Variants in RPL35 observed in about 807,000 individuals in gnomAD.
RPL35 encodes the protein ribosomal protein L35, also known as large ribosomal subunit protein uL29.
Under a neutral mutation model 15.6 loss-of-function variants are expected in RPL35, and 2 were observed. The observed-to-expected ratio is 0.13, with a 90% CI of 0.05 to 0.40. The LOEUF is 0.40. RPL35 is among the 10% of genes least tolerant of loss of function. RPL35 has a pLI of 0.99. For missense variants in RPL35, 111 were observed against 164.7 expected, an observed-to-expected ratio of 0.67 and a Z score of 1.79; for synonymous variants, 93 against 67.9, an observed-to-expected ratio of 1.37 and a Z score of -1.82.
intron 3 of RPL35, among the ~76,000 whole-genome samples, chr9:124,859,585 T>A (rs1318927342): frequency 6.6e-6 from 1 of 152,152 alleles, no homozygotes; most frequent in East Asian, 1.9e-4. Context: ...ATACATTGGA[T>A]GCATGTGCAC....
rs1332679190 is a variant in RPL35 at position 124,860,153 on chromosome 9, C to T, written c.222+30G>A. ...ACGGCTAGCACTTGGCTTCCTGCAGCCAACCCTCCCTATGTCCAGGCAGAC... is the reference window on the plus strand; with the variant it reads ...ACGGCTAGCACTTGGCTTCCTGCAGTCAACCCTCCCTATGTCCAGGCAGAC... On this transcript the variant is annotated intron_variant, in intron 3 of 3. Transcript: ENST00000348462. The T allele has an allele frequency of 7.0e-6, 11 of 1,569,980 alleles. No homozygotes were observed. In the Admixed American group the frequency reaches 1.2e-4, roughly 17 times the overall value.
In RPL35 at chr9:124,859,769, C is replaced by G. The variant is rs553106889; in HGVS notation, c.222+414G>C. Reference sequence around the variant, plus strand: ...GGTAAGGTTTGGAACCAGGGCCCATCATGCCATTGACTGTGGGTGTCTAGG... The same window carrying G: ...GGTAAGGTTTGGAACCAGGGCCCATGATGCCATTGACTGTGGGTGTCTAGG... On this transcript the variant is annotated intron_variant, in intron 3 of 3. Transcript: ENST00000348462. Among the ~76,000 whole-genome samples, 11 of 152,306 alleles carry G rather than the reference C, an allele frequency of 7.2e-5. No homozygotes were observed. In the East Asian group the frequency reaches 1.5e-3, roughly 21 times the overall value.
intron 2 of RPL35, among the ~76,000 whole-genome samples, 167 bp from the exon 3 acceptor site, chr9:124,860,431 C>G (rs1023137371): frequency 6.6e-6 from 1 of 152,132 alleles, no homozygotes; most frequent in African/African-American, 2.4e-5. Context: ...AAGAGAGGGG[C>G]ATGGGAGAGA....
chr9:124,858,636 T>C, intron 3 of RPL35: 1 of 642,610 alleles, frequency 1.6e-6, no homozygotes, highest in South Asian at 1.7e-5. Context: ...CACAGAGCCA[T>C]CATCTGTCTT....
intron 3 of RPL35, chr9:124,858,387 G>A (rs547120585): frequency 1.7e-5 from 11 of 659,122 alleles, no homozygotes; most frequent in Admixed American, 6.7e-5. Context: ...TCCCAGTCAC[G>A]AGGACAGTCA....
Position 124,858,003 on chromosome 9 carries a change from T to C in RPL35, c.287A>G (p.Asn96Ser). ...GGTCTTCAGGTTCTCCTCGTGCTTG[T>C]TGAGCCGGCGGCGCATGGCACGTGT... is the stretch of plus-strand genomic sequence containing the variant. ...KKTRAMRRRL[N>S]KHEENLKTKK... The change falls in exon 4 of 4, where the codon AAC (asparagine) becomes AGC (serine). Residue 96 changes from asparagine to serine, a missense_variant. Physicochemically the swap from Asn to Ser is conservative, Grantham distance 46. Transcript: ENST00000348462. 2 of 1,612,308 alleles carry C rather than the reference T, an allele frequency of 1.2e-6. No homozygotes were observed. Among genetic ancestry groups the C allele is most frequent in the Middle Eastern group, 2.2e-4 (1 of 4,554 alleles).
rs554620759 is a variant in RPL35 at position 124,859,029 on chromosome 9, C to T, written c.223-962G>A. ...CTCCTGCTGGCATCGGCTGGGCATTCGTCCTTTTCACATTGGCTAACCCCC... is the reference window on the plus strand; with the variant it reads ...CTCCTGCTGGCATCGGCTGGGCATTTGTCCTTTTCACATTGGCTAACCCCC... On this transcript the variant is annotated intron_variant, in intron 3 of 3. Coordinates refer to ENST00000348462, the MANE Select transcript of RPL35 (RefSeq NM_007209.4). 1.5e-4 allele frequency among the ~76,000 whole-genome samples: 23 copies of T among 152,330 alleles called. No homozygotes were observed. In the South Asian group the frequency reaches 2.1e-3, roughly 14 times the overall value.
At chr9:124,858,134 G>A in intron 3 of RPL35, 67 bp from the exon 4 acceptor site, 1 of 1,534,718 alleles carries the variant, frequency 6.5e-7, no homozygotes, top group Non-Finnish European at 8.8e-7. Context: ...CAGCTAAGGG[G>A]GCTGGGGAGG....
intron 1 of RPL35, 161 bp from the exon 2 acceptor site, chr9:124,861,716 A>G (rs1829200447): frequency 7.6e-7 from 1 of 1,320,708 alleles, no homozygotes. Flanking sequence ...TGCCTTGGGC[A>G]GAGTAACCCA....
rs1829174926 is a variant in RPL35, at chr9:124,860,169, C to A, written c.222+14G>T. On this transcript the variant is annotated intron_variant, in intron 3 of 3. Coordinates refer to ENST00000348462, the MANE Select transcript of RPL35 (RefSeq NM_007209.4). ...TTCCTGCAGCCAACCCTCCCTATGT[C>A]CAGGCAGACTCACCTTGTAGAATTT... is the stretch of plus-strand genomic sequence containing the variant. 6 of 1,603,710 alleles carry A rather than the reference C, an allele frequency of 3.7e-6. No individual in the cohort carries two copies. The highest frequency in any genetic ancestry group is 5.1e-6 in the Non-Finnish European group (6 of 1,170,598).
chr9:124,858,624 G>A (rs991715510), intron 3 of RPL35: 2 of 653,290 alleles, frequency 3.1e-6, no homozygotes, highest in Admixed American at 2.3e-5. Context: ...GCCCACAGCT[G>A]TCACAGAGCC....
intron 3 of RPL35, among the ~76,000 whole-genome samples, chr9:124,859,700 C>T (rs190090869): frequency 5.3e-5 from 8 of 152,314 alleles, no homozygotes; most frequent in African/African-American, 1.9e-4. Flanking sequence ...GGGGGCCAGA[C>T]ACCTGTGCAC....
In RPL35 at chr9:124,857,996, G is replaced by T. The variant is rs192683197; in HGVS notation, c.294C>A (p.His98Gln). ...TRAMRRRLNK[H>Q]EENLKTKKQQ... ...GCTTCTTGGTCTTCAGGTTCTCCTC[G>T]TGCTTGTTGAGCCGGCGGCGCATGG... The change falls in exon 4 of 4, where the codon CAC (histidine) becomes CAA (glutamine). Residue 98 changes from histidine (H) to glutamine (Q), a missense_variant. Transcript: ENST00000348462. 3.1e-5 allele frequency: 50 copies of T among 1,612,094 alleles called. No individual in the cohort carries two copies. Among genetic ancestry groups the T allele is most frequent in the Non-Finnish European group, 4.0e-5 (47 of 1,180,034 alleles).
intron 3 of RPL35, among the ~76,000 whole-genome samples, chr9:124,858,892 G>A (rs1293097956): frequency 8.6e-6 from 1 of 115,964 alleles, no homozygotes; most frequent in Non-Finnish European, 1.9e-5. Flanking sequence ...GAGGTCACAG[G>A]GCCCCAGGCC....
At chr9:124,859,412 T>C (rs1031895743) in intron 3 of RPL35, among the ~76,000 whole-genome samples, 2 of 152,174 alleles carry the variant, frequency 1.3e-5, no homozygotes, top group African/African-American at 4.8e-5. Context: ...CAGGTAACTT[T>C]AGGGGAGATT....
At chr9:124,861,763 G>C in intron 1 of RPL35, 147 bp downstream of exon 1, 3 of 1,339,682 alleles carry the variant, frequency 2.2e-6, no homozygotes, top group Admixed American at 2.7e-5. Context: ...GCCAAGCGAA[G>C]AGGCGGGTTG....
chr9:124,860,816 G>C (rs1270428802), intron 2 of RPL35, among the ~76,000 whole-genome samples: 1 of 152,042 alleles, frequency 6.6e-6, no homozygotes. Flanking sequence ...CCTCTACTAA[G>C]GTTGTTTGGG....
rs1478625921 is a variant in RPL35 at position 124,861,345 on chromosome 9, T to C, written c.140+74A>G. On this transcript the variant is annotated intron_variant, in intron 2 of 3. Transcript: ENST00000348462. ...AAGCGGCCAGCTCCTTAAGCCAACT[T>C]TGAAATCCTCCGACGATCCCGATGC... 3 of 1,550,328 alleles carry C rather than the reference T, an allele frequency of 1.9e-6. No homozygotes were observed. The South Asian group carries it at 3.7e-5, about 19-fold the overall frequency.
In RPL35 at chr9:124,861,547, G is replaced by T. The variant is rs780734617; in HGVS notation, c.12C>A (p.Ile4=). The T allele has an allele frequency of 3.7e-6, 6 of 1,613,878 alleles. No individual in the cohort carries two copies. The highest frequency in any genetic ancestry group is 1.7e-4 in the Middle Eastern group (1 of 6,060). ...TCTTCCCGCGAAGATCTCGAGCCTT[G>T]ATCTTGGCCTGCGCGCAAGAGAGAG... MAK[I]KARDLRGKKK... Residue 4 remains isoleucine, a synonymous_variant, in exon 2 of 4, where the codon ATC becomes ATA. Coordinates refer to ENST00000348462, the MANE Select transcript of RPL35 (RefSeq NM_007209.4).
Sources: allele counts gnomAD v4.1 joint callset (sites outside exome capture counted in the v4.1 genomes callset), GRCh38; gene constraint gnomAD v4.1.1; transcripts MANE v1.5; gene names NCBI Gene and HGNC (gene_info 2026-07-23, HGNC 2026-07-21).